The following FMN2 variants were observed in gnomAD, a reference collection of about 807,000 sequenced individuals.
FMN2 encodes the protein formin 2, also known as formin-2.
Under a neutral mutation model 142.3 loss-of-function variants are expected in FMN2, and 51 were observed. The ratio of observed to expected loss-of-function variants is 0.36; its 90% CI spans 0.29 to 0.45. The LOEUF (loss-of-function observed/expected upper bound fraction) is 0.45. FMN2 is among the 20% of genes least tolerant of loss of function. The probability of loss-of-function intolerance (pLI) is 1.00; values close to 1 mark genes in which losing one functional copy is unlikely to be tolerated. For missense variants in FMN2, 1,936 were observed against 2,122.8 expected (o/e 0.91, Z 1.73); for synonymous variants, 882 against 869.8 (o/e 1.01, Z -0.25).
At chr1:240,400,676 T>A (rs1460828429) in intron 15 of FMN2, 1 of 152,090 alleles carries the variant, frequency 6.6e-6, no homozygotes, top group Non-Finnish European at 1.5e-5. Context: ...GCCACCCCAA[T>A]CTCAACAGTG....
intron 16 of FMN2, among the ~76,000 whole-genome samples, chr1:240,451,422 G>C (rs1394383441): frequency 6.6e-6 from 1 of 152,056 alleles, no homozygotes; most frequent in East Asian, 1.9e-4. Flanking sequence ...GTCTGTAGCT[G>C]TTTTGCTGTG....
chr1:240,139,619 C>T (rs897164045), intron 2 of FMN2, among the ~76,000 whole-genome samples: 1 of 152,178 alleles, frequency 6.6e-6, no homozygotes, highest in African/African-American at 2.4e-5. Context: ...AAGTGATATT[C>T]AGTGTTGCCA....
At chr1:240,191,986 GA>G (rs1213546903) in intron 4 of FMN2, among the ~76,000 whole-genome samples, 4 of 152,216 alleles carry the variant, frequency 2.6e-5, no homozygotes, top group Admixed American at 1.3e-4. Flanking sequence ...CAATAAAAAG[GA>G]ATTAGACGAT....
rs182806192 is a variant in FMN2, at chr1:240,359,460, G to A, written c.4858+3552G>A. ...CCAACACTGCCCAAATGTCTTTATT[G>A]CATTAGCTCCCTCTGTATAATAGAA... On this transcript the variant is annotated intron_variant, in intron 14 of 17. Coordinates refer to ENST00000319653, the MANE Select transcript of FMN2 (RefSeq NM_020066.5). 7.9e-5 allele frequency among the ~76,000 whole-genome samples: 12 copies of A among 152,176 alleles called. No individual in the cohort carries two copies. In the East Asian group the frequency reaches 1.9e-3, roughly 25 times the overall value.
intron 7 of FMN2, among the ~76,000 whole-genome samples, chr1:240,275,933 G>A (rs978545360): frequency 6.6e-6 from 1 of 152,150 alleles, no homozygotes; most frequent in African/African-American, 2.4e-5. Context: ...CTTTTTGATG[G>A]GAAAGGGTAT....
intron 6 of FMN2, among the ~76,000 whole-genome samples, chr1:240,227,829 A>G (rs1667367942): frequency 6.6e-6 from 1 of 152,166 alleles, no homozygotes; most frequent in East Asian, 1.9e-4. Flanking sequence ...AGATTATTCT[A>G]CATCAAAGTT....
intron 13 of FMN2, among the ~76,000 whole-genome samples, chr1:240,342,398 G>A (rs1671774287): frequency 1.3e-5 from 2 of 152,022 alleles, no homozygotes; most frequent in South Asian, 2.1e-4. Flanking sequence ...TTCATAATTC[G>A]TCTCATGAAT....
chr1:240,189,879 CT>C (rs11297113), intron 4 of FMN2, among the ~76,000 whole-genome samples: 97,547 of 151,952 alleles, frequency 0.64, 32,316 homozygotes, highest in African/African-American at 0.8. Flanking sequence ...CTTTTTAAGC[CT>C]TTTTTTTGGT....
intron 16 of FMN2, among the ~76,000 whole-genome samples, chr1:240,465,890 G>A (rs1171412906): frequency 6.6e-6 from 1 of 152,166 alleles, no homozygotes; most frequent in Admixed American, 6.5e-5. Flanking sequence ...ATGCCAGAGT[G>A]TATCTCCCTT....
intron 7 of FMN2, among the ~76,000 whole-genome samples, chr1:240,262,603 CAGT>C (rs1440372289): frequency 6.6e-6 from 1 of 152,150 alleles, no homozygotes; most frequent in Admixed American, 6.6e-5. Context: ...TCATAGATAA[CAGT>C]AGCTGCAAAA....
chr1:240,207,093 G>A lies in FMN2; in HGVS notation c.2281G>A (p.Asp761Asn), dbSNP rs1399578360. The change falls in exon 5 of 18, where the codon GAT becomes AAT. Residue 761 changes from aspartate to asparagine, a missense_variant. Coordinates refer to ENST00000319653, the MANE Select transcript of FMN2 (RefSeq NM_020066.5). ...EGGVLTLPPV[D>N]GLPGRPPCPP... ...CGGGGTGCTGACACTGCCTCCTGTG[G>A]ATGGGCTGCCAGGGCGTCCTCCATG... is the stretch of plus-strand genomic sequence containing the variant. 2 of 1,614,098 alleles carry A rather than the reference G, an allele frequency of 1.2e-6. No homozygotes were observed. Among genetic ancestry groups the A allele is most frequent in the East Asian group, 4.5e-5 (2 of 44,870 alleles).
chr1:240,445,718 TGGAGAGA>T (rs1558111271), intron 16 of FMN2, among the ~76,000 whole-genome samples: 1 of 147,002 alleles, frequency 6.8e-6, no homozygotes. Context: ...TTTTTTTTTC[TGGAGAGA>T]AAATAACCTT....
In FMN2 at chr1:240,473,483, A is replaced by C. The variant is rs765984237; in HGVS notation, c.5143-645A>C. 2.0e-5 allele frequency among the ~76,000 whole-genome samples: 3 copies of C among 152,204 alleles called. No individual in the cohort carries two copies. Among genetic ancestry groups the C allele is most frequent in the Non-Finnish European group, 1.5e-5 (1 of 68,032 alleles). On this transcript the variant is annotated intron_variant, in intron 17 of 17. Transcript: ENST00000319653. This position sits in a 1 kb window ranked among gnomAD's most constrained non-coding sequence, Gnocchi z 4.3. ...TAGGCCTTAGGATAGGACCATTCTA[A>C]ATTGAATTAGTCTAATGTAGTCTAA...
chr1:240,434,296 G>A (rs1675278856), intron 15 of FMN2, among the ~76,000 whole-genome samples: 1 of 152,050 alleles, frequency 6.6e-6, no homozygotes, highest in Non-Finnish European at 1.5e-5. Context: ...ATCCTGTATT[G>A]GTATATGGTG....
chr1:240,091,902 C>A lies in FMN2; in HGVS notation c.-208C>A. On this transcript the variant is annotated 5_prime_UTR_variant, in exon 1 of 18. Transcript: ENST00000319653. Reference sequence around the variant, plus strand: ...CTAGCCGCAGCCGCAGCCGCAGCGACGGCAGCCACGGGAGCCGCCGCGCAT... The same window carrying A: ...CTAGCCGCAGCCGCAGCCGCAGCGAAGGCAGCCACGGGAGCCGCCGCGCAT... 1.2e-6 allele frequency: 1 copy of A among 815,230 alleles called. No homozygotes were observed. The highest frequency in any genetic ancestry group is 1.7e-6 in the Non-Finnish European group (1 of 574,414). The allele number at this position is 815,230 out of a possible 1,614,324, so 50.5% of individuals were successfully genotyped here. A position where few individuals can be genotyped will look rare whatever the true frequency, so the allele number is the denominator to read the frequency against.
chr1:240,447,140 A>C (rs1675848649), intron 16 of FMN2, among the ~76,000 whole-genome samples: 1 of 152,130 alleles, frequency 6.6e-6, no homozygotes, highest in Non-Finnish European at 1.5e-5. Context: ...ACAGACAGCA[A>C]TTCGCTCACC....
chr1:240,229,426 C>T (rs1231915518), intron 6 of FMN2, among the ~76,000 whole-genome samples: 1 of 152,084 alleles, frequency 6.6e-6, no homozygotes. Context: ...ACATACCTTA[C>T]CCTTTATGCT....
At chr1:240,280,602 A>G (rs1359267114) in intron 7 of FMN2, among the ~76,000 whole-genome samples, 2 of 152,172 alleles carry the variant, frequency 1.3e-5, no homozygotes, top group Admixed American at 6.6e-5. Flanking sequence ...CCTAAGCAAG[A>G]AGGTGAAATC....
intron 15 of FMN2, among the ~76,000 whole-genome samples, chr1:240,400,499 T>C (rs1052767554): frequency 6.6e-6 from 1 of 152,204 alleles, no homozygotes; most frequent in Admixed American, 6.5e-5. Flanking sequence ...TAGGACCTTG[T>C]ATGTAAGCAG....
Sources: allele counts gnomAD v4.1 joint callset (sites outside exome capture counted in the v4.1 genomes callset), GRCh38; gene constraint gnomAD v4.1.1; non-coding constraint Gnocchi (gnomAD v3.1); transcripts MANE v1.5; gene names NCBI Gene and HGNC (gene_info 2026-07-23, HGNC 2026-07-21).